IQSEC1: variants seen among roughly 807,000 people sequenced by gnomAD.
IQSEC1 encodes IQ motif and SEC7 domain-containing protein 1.
In IQSEC1, 31 loss-of-function variants were observed where a neutral mutation model predicts 91.0. The ratio of observed to expected loss-of-function variants is 0.34; its 90% CI spans 0.26 to 0.46. IQSEC1 has a LOEUF of 0.46. IQSEC1 is among the 20% of genes least tolerant of loss of function. The pLI is 1.00. For missense variants in IQSEC1, 1,388 were observed against 1,575.6 expected (o/e 0.88, Z 2.02); for synonymous variants, 699 against 662.6 (o/e 1.05, Z -0.84).
At chr3:12,932,779 G>A (rs1697797271) in intron 3 of IQSEC1, among the ~76,000 whole-genome samples, 1 of 152,292 alleles carries the variant, frequency 6.6e-6, no homozygotes. Context: ...TCCTGCCTCT[G>A]GCTCCTGCAC....
chr3:12,930,980 C>T (rs573050678), intron 3 of IQSEC1, among the ~76,000 whole-genome samples: 1 of 152,306 alleles, frequency 6.6e-6, no homozygotes, highest in African/African-American at 2.4e-5. Flanking sequence ...CCCACACTGC[C>T]AGGGCCAGCA....
intron 2 of IQSEC1, among the ~76,000 whole-genome samples, chr3:13,129,464 T>A (rs544738779): frequency 6.6e-6 from 1 of 152,210 alleles, no homozygotes; most frequent in Non-Finnish European, 1.5e-5. Flanking sequence ...ATGGTTTTTC[T>A]GTTTTTCATT....
At chr3:12,976,118 G>A (rs188744968) in intron 1 of IQSEC1, among the ~76,000 whole-genome samples, 1 of 152,332 alleles carries the variant, frequency 6.6e-6, no homozygotes, top group East Asian at 1.9e-4. Context: ...GGGCCTGAGC[G>A]GTGCTCTGCT....
chr3:12,905,006 G>A (rs191635766), intron 12 of IQSEC1, among the ~76,000 whole-genome samples: 18 of 152,318 alleles, frequency 1.2e-4, no homozygotes, highest in Non-Finnish European at 2.2e-4. Context: ...AGCAAGAGAT[G>A]CAGGGTGACC....
intron 1 of IQSEC1, among the ~76,000 whole-genome samples, chr3:13,202,336 A>G (rs1285909272): frequency 2.0e-5 from 3 of 152,236 alleles, no homozygotes; most frequent in African/African-American, 7.2e-5. Context: ...TTGGGTCTCA[A>G]AAAGATCTTT....
At chr3:13,132,498 C>A (rs1706637602) in intron 2 of IQSEC1, among the ~76,000 whole-genome samples, 1 of 152,162 alleles carries the variant, frequency 6.6e-6, no homozygotes, top group Non-Finnish European at 1.5e-5. Context: ...GCAGTGTATC[C>A]TCTCCCAGGC....
At position 12,935,612 on chromosome 3, in the gene IQSEC1, G is replaced by C. The variant is rs748460975; in HGVS notation, c.1404C>G (p.Thr468=). ...ACGATGACTCGGAGCTGCAGTTGAT[G>C]GTATCGTTGGAGTTGGACGTGCTGT... The part of the protein sequence containing the change: ...SINSTSNSND[T]INCSSESSSR... The change falls in exon 3 of 14, where the codon ACC becomes ACG. Residue 468 remains threonine, a synonymous_variant. Coordinates refer to ENST00000613206, the MANE Select transcript of IQSEC1 (RefSeq NM_001134382.3). This position sits in a 1 kb window ranked among gnomAD's most constrained non-coding sequence, Gnocchi z 8.0. 6.2e-7 allele frequency: 1 copy of C among 1,614,016 alleles called. No homozygotes were observed. The highest frequency in any genetic ancestry group is 1.7e-5 in the Admixed American group (1 of 60,012).
intron 1 of IQSEC1, among the ~76,000 whole-genome samples, chr3:13,186,096 A>G (rs1388123811): frequency 6.6e-6 from 1 of 152,226 alleles, no homozygotes; most frequent in Non-Finnish European, 1.5e-5. Flanking sequence ...GAGTGAGTTC[A>G]CTGCTGTTCT....
intron 1 of IQSEC1, among the ~76,000 whole-genome samples, chr3:13,016,909 C>T (rs146268164): frequency 4.0e-4 from 61 of 152,304 alleles, no homozygotes; most frequent in African/African-American, 1.3e-3. Context: ...CCCTGGATCA[C>T]GGCAAACCTA....
chr3:12,967,490 AC>A lies in IQSEC1; in HGVS notation c.24-25626del. 6.7e-7 allele frequency: 1 copy of A among 1,488,888 alleles called. No homozygotes were observed. 92.2% of individuals were successfully genotyped at this position (1,488,888 alleles called of 1,614,324 possible). Reference sequence around the variant, plus strand: ...GGAGCGGGCCGGGCCGGGAGCCGGGACCCAGGCCCAGCAGAGGCCGCCGACT... The same window carrying A: ...GGAGCGGGCCGGGCCGGGAGCCGGGACCAGGCCCAGCAGAGGCCGCCGACT... On this transcript the variant is annotated intron_variant, in intron 1 of 13. Coordinates refer to ENST00000613206, the MANE Select transcript of IQSEC1 (RefSeq NM_001134382.3). The surrounding 1 kb of genome is among the most constrained non-coding windows in gnomAD (Gnocchi z 5.9).
chr3:12,953,232 C>T (rs760337192), intron 1 of IQSEC1, among the ~76,000 whole-genome samples: 4 of 152,230 alleles, frequency 2.6e-5, no homozygotes, highest in African/African-American at 7.2e-5. Flanking sequence ...CTCCGTGCGC[C>T]GTAGACAGAC....
At chr3:13,234,745 T>G (rs1443202003) in intron 1 of IQSEC1, among the ~76,000 whole-genome samples, 1 of 152,120 alleles carries the variant, frequency 6.6e-6, no homozygotes, top group African/African-American at 2.4e-5. Flanking sequence ...CTCACAACTC[T>G]CGGGTGTGAC....
chr3:13,078,912 T>C lies in IQSEC1; in HGVS notation c.303-31390A>G, dbSNP rs138912954. On this transcript the variant is annotated intron_variant, in intron 2 of 15. Coordinates refer to the IQSEC1 transcript ENST00000648114. The stretch of plus-strand genomic sequence containing the variant: ...TGTTCATATTGGCCTAATATGTTTA[T>C]CTCAATTTAAAATAATTTTCACTAA... 3.5e-3 allele frequency among the ~76,000 whole-genome samples: 526 copies of C among 152,392 alleles called. 3 individuals are homozygous for C. Among genetic ancestry groups the C allele is most frequent in the African/African-American group, 0.01 (433 of 41,592 alleles).
At chr3:13,026,614 G>A (rs906276752) in intron 1 of IQSEC1, among the ~76,000 whole-genome samples, 1 of 152,208 alleles carries the variant, frequency 6.6e-6, no homozygotes, top group Non-Finnish European at 1.5e-5. Context: ...GCTGTGCCAT[G>A]AAGAAGGCGT....
chr3:13,221,689 C>A (rs968092085), intron 1 of IQSEC1, among the ~76,000 whole-genome samples: 20 of 152,272 alleles, frequency 1.3e-4, no homozygotes, highest in African/African-American at 4.8e-4. Context: ...GGGCTTCCAT[C>A]CCTCCAATGG....
chr3:12,923,537 G>C lies in IQSEC1; in HGVS notation c.1730+1044C>G, dbSNP rs1244102367. Among the ~76,000 whole-genome samples, 3 of 152,354 alleles carry C rather than the reference G, an allele frequency of 2.0e-5. No individual in the cohort carries two copies. The East Asian group carries it at 5.8e-4, about 29-fold the overall frequency. On this transcript the variant is annotated intron_variant, in intron 4 of 13. Transcript: ENST00000613206. ...GCCTGCCATGTGCTGGCCACACTTAGCCTCCTGGGTGTGGGACGGGGACTA... is the reference window on the plus strand; with the variant it reads ...GCCTGCCATGTGCTGGCCACACTTACCCTCCTGGGTGTGGGACGGGGACTA...
At chr3:13,025,780 C>T (rs1422640435) in intron 1 of IQSEC1, among the ~76,000 whole-genome samples, 3 of 152,192 alleles carry the variant, frequency 2.0e-5, no homozygotes, top group Admixed American at 6.5e-5. Context: ...ACTGGGGGTC[C>T]GTGCAGCCTC....
At chr3:13,165,289 G>C (rs941605705) in intron 1 of IQSEC1, among the ~76,000 whole-genome samples, 1 of 152,060 alleles carries the variant, frequency 6.6e-6, no homozygotes, top group Admixed American at 6.5e-5. Context: ...AGGTGAAGTG[G>C]TGATGTGAGA....
intron 1 of IQSEC1, among the ~76,000 whole-genome samples, chr3:13,271,784 G>C (rs981601198): frequency 6.6e-6 from 1 of 152,178 alleles, no homozygotes; most frequent in Non-Finnish European, 1.5e-5. Flanking sequence ...GACAGAGCAA[G>C]ACCCTTTCTC....
Sources: allele counts gnomAD v4.1 joint callset (sites outside exome capture counted in the v4.1 genomes callset), GRCh38; gene constraint gnomAD v4.1.1; non-coding constraint Gnocchi (gnomAD v3.1); transcripts MANE v1.5; gene names NCBI Gene and HGNC (gene_info 2026-07-23, HGNC 2026-07-21).